Variants in STAG1 observed in about 807,000 individuals in gnomAD.
STAG1 encodes STAG1 cohesin complex component.
A neutral mutation model predicts 170.9 loss-of-function variants in STAG1; 26 were observed. The observed-to-expected ratio is 0.15, with a 90% CI of 0.11 to 0.21. The LOEUF is 0.21. Ranked by LOEUF, STAG1 falls within the 10% of genes least tolerant of loss-of-function variation. The pLI is 1.00. For synonymous variants in STAG1, 514 were observed against 497.7 expected, an observed-to-expected ratio of 1.03 and a Z score of -0.44; for missense variants, 964 against 1,509.5, an observed-to-expected ratio of 0.64 and a Z score of 5.99.
At chr3:136,524,503 A>G (rs6789761) in intron 6 of STAG1, among the ~76,000 whole-genome samples, 43,816 of 151,978 alleles carry the variant, frequency 0.29, 6,677 homozygotes, top group Non-Finnish European at 0.34. Flanking sequence ...GGGCTGAGAC[A>G]ATGGGGTTTT....
At chr3:136,513,511 T>C (rs1405038355) in intron 7 of STAG1, among the ~76,000 whole-genome samples, 2 of 151,972 alleles carry the variant, frequency 1.3e-5, no homozygotes, top group Non-Finnish European at 2.9e-5. Flanking sequence ...AATTTCAGGA[T>C]ATCATCATGA....
At chr3:136,631,681 C>T (rs1362963482) in intron 1 of STAG1, among the ~76,000 whole-genome samples, 1 of 152,112 alleles carries the variant, frequency 6.6e-6, no homozygotes, top group African/African-American at 2.4e-5. Context: ...ACACTCTTTA[C>T]TTTTCCTTCA....
intron 1 of STAG1, among the ~76,000 whole-genome samples, chr3:136,710,229 C>T (rs764804569): frequency 1.1e-4 from 17 of 152,102 alleles, no homozygotes; most frequent in African/African-American, 3.9e-4. Context: ...GAAAAGTTCA[C>T]CCAAACACAA....
intron 29 of STAG1, among the ~76,000 whole-genome samples, chr3:136,344,439 G>C (rs373812246): frequency 6.6e-6 from 1 of 152,088 alleles, no homozygotes; most frequent in Non-Finnish European, 1.5e-5. Flanking sequence ...ATTAAAGTCT[G>C]ACTGGCTTTT....
chr3:136,434,769 T>C (rs1228595982), intron 15 of STAG1, among the ~76,000 whole-genome samples: 3 of 152,212 alleles, frequency 2.0e-5, no homozygotes, highest in Non-Finnish European at 4.4e-5. Context: ...CATTTTCTTC[T>C]AATTTATTTC....
chr3:136,353,504 T>G (rs1936514132), intron 28 of STAG1, among the ~76,000 whole-genome samples: 1 of 152,168 alleles, frequency 6.6e-6, no homozygotes, highest in Admixed American at 6.5e-5. Flanking sequence ...TCCAATAAAA[T>G]TAATGATTAA....
chr3:136,422,958 C>A lies in STAG1; in HGVS notation c.1737G>T (p.Leu579=), dbSNP rs2088002731. The change falls in exon 17 of 34, where the codon CTG becomes CTT. Residue 579 remains leucine, a synonymous_variant. Transcript: ENST00000383202. ...ACTGTAAATGAAACTGTACCTTTGA[C>A]AGTAACATAGGAAGTGTAATAATAA... ...EHFIITLPML[L]SKYSADAEKV... 6.2e-7 allele frequency: 1 copy of A among 1,600,506 alleles called. No homozygotes were observed. Among genetic ancestry groups the A allele is most frequent in the Non-Finnish European group, 8.5e-7 (1 of 1,172,808 alleles).
At chr3:136,603,711 C>T (rs1938798583) in intron 4 of STAG1, among the ~76,000 whole-genome samples, 1 of 152,018 alleles carries the variant, frequency 6.6e-6, no homozygotes, top group Non-Finnish European at 1.5e-5. Context: ...GGTGAAACCC[C>T]ATCTCTACTA....
chr3:136,439,387 C>A (rs1467200540), intron 15 of STAG1, among the ~76,000 whole-genome samples: 2 of 134,504 alleles, frequency 1.5e-5, no homozygotes, highest in Non-Finnish European at 3.1e-5. Flanking sequence ...AAAACACCCC[C>A]CGACACACAC....
intron 1 of STAG1, among the ~76,000 whole-genome samples, chr3:136,698,405 A>C (rs1942959332): frequency 6.6e-6 from 1 of 152,156 alleles, no homozygotes; most frequent in Admixed American, 6.6e-5. Context: ...CAACATCACT[A>C]ATCATCAGGG....
At position 136,720,186 on chromosome 3, in the gene STAG1, A is replaced by G. The variant is rs540187822; in HGVS notation, c.-84+32009T>C. 6.6e-5 allele frequency among the ~76,000 whole-genome samples: 10 copies of G among 152,182 alleles called. No individual in the cohort carries two copies. The South Asian group carries it at 8.3e-4, about 13-fold the overall frequency. ...AGCGAAATTCCGTCTCAAAAAAAAAAAAAAAAAAATCTTAAGTGAACACTG... is the reference window on the plus strand; with the variant it reads ...AGCGAAATTCCGTCTCAAAAAAAAAGAAAAAAAAATCTTAAGTGAACACTG... On this transcript the variant is annotated intron_variant, in intron 1 of 33. Transcript: ENST00000383202.
At chr3:136,743,222 G>A (rs1934764811) in intron 1 of STAG1, among the ~76,000 whole-genome samples, 1 of 152,042 alleles carries the variant, frequency 6.6e-6, no homozygotes, top group African/African-American at 2.4e-5. Flanking sequence ...CAAAAAATTA[G>A]TCAGGCGTAG....
chr3:136,336,527 GCTTGCTCC>G lies in STAG1; in HGVS notation c.*1719_*1726del, dbSNP rs1935684725. On this transcript the variant is annotated 3_prime_UTR_variant, in exon 34 of 34. Coordinates refer to ENST00000383202, the MANE Select transcript of STAG1 (RefSeq NM_005862.3). ...TGTGCATGTGCCAGGGCACCTCATG[GCTTGCTCC>G]CTGGCCAAAACCACAGGCAGGCAGG... 6.6e-6 allele frequency: 1 copy of G among 152,238 alleles called. No individual in the cohort carries two copies. The highest frequency in any genetic ancestry group is 2.4e-5 in the African/African-American group (1 of 41,462). 9.4% of individuals were successfully genotyped at this position (152,238 alleles called of 1,614,324 possible). A position where few individuals can be genotyped will look rare whatever the true frequency, so the allele number is the denominator to read the frequency against.
chr3:136,468,698 G>C (rs1257172923), intron 12 of STAG1, among the ~76,000 whole-genome samples: 12 of 152,136 alleles, frequency 7.9e-5, no homozygotes, highest in Admixed American at 7.9e-4. Flanking sequence ...GAGAATTTTA[G>C]ACCAATATCC....
chr3:136,431,134 C>A (rs2088291240), intron 16 of STAG1, among the ~76,000 whole-genome samples: 1 of 152,014 alleles, frequency 6.6e-6, no homozygotes, highest in Non-Finnish European at 1.5e-5. Context: ...GAACTCCTGA[C>A]CTTAGGTAAT....
At chr3:136,503,010 C>T (rs1933561657) in intron 7 of STAG1, among the ~76,000 whole-genome samples, 1 of 152,128 alleles carries the variant, frequency 6.6e-6, no homozygotes, top group South Asian at 2.1e-4. Context: ...TTAAACACAG[C>T]CTCATCCTAA....
chr3:136,584,094 C>T (rs968365646), intron 4 of STAG1, among the ~76,000 whole-genome samples: 2 of 152,206 alleles, frequency 1.3e-5, no homozygotes, highest in Admixed American at 6.5e-5. Flanking sequence ...TTTTAAATGA[C>T]CATGTAATCT....
intron 27 of STAG1, 50 bp downstream of exon 27, chr3:136,359,097 TA>T (rs752575888): frequency 2.0e-6 from 3 of 1,476,498 alleles, no homozygotes; most frequent in South Asian, 2.8e-5. Context: ...GTTATTTCAT[TA>T]AAATTCAAGT....
chr3:136,507,694 A>G (rs1933838074), intron 7 of STAG1, among the ~76,000 whole-genome samples: 1 of 152,146 alleles, frequency 6.6e-6, no homozygotes, highest in African/African-American at 2.4e-5. Context: ...TCATGTGACT[A>G]TATTATTTTC....
Sources: gnomAD v4.1 joint callset for allele counts (sites outside exome capture counted in the v4.1 genomes callset) on GRCh38, gnomAD v4.1.1 for gene constraint, MANE v1.5 for transcripts, NCBI Gene and HGNC (gene_info 2026-07-23, HGNC 2026-07-21) for gene names.